DTD1: variants seen among roughly 807,000 people sequenced by gnomAD.
DTD1 encodes the protein D-tyrosyl-tRNA deacylase 1 homolog.
In DTD1, 13 loss-of-function variants were observed where a neutral mutation model predicts 25.6. The ratio of observed to expected loss-of-function variants is 0.51; its 90% confidence interval spans 0.33 to 0.81. The LOEUF (loss-of-function observed/expected upper bound fraction) is 0.81, where lower values mean the gene tolerates loss of function less well. DTD1 is among the 30% of genes least tolerant of loss of function. The pLI, the probability that DTD1 is intolerant of heterozygous loss-of-function variation, is 0.02. For missense variants in DTD1, 193 were observed against 266.4 expected, an observed-to-expected ratio of 0.72 and a Z score of 1.92; for synonymous variants, 110 against 103.6, an observed-to-expected ratio of 1.06 and a Z score of -0.37.
chr20:18,707,115 T>G (rs901436717), intron 4 of DTD1, among the ~76,000 whole-genome samples: 1 of 152,240 alleles, frequency 6.6e-6, no homozygotes, highest in East Asian at 1.9e-4. Context: ...GTTCATCACC[T>G]GTAAGCAGTT....
intron 4 of DTD1, chr20:18,675,694 A>G (rs2060967757): frequency 6.7e-6 from 1 of 149,748 alleles, no homozygotes; most frequent in African/African-American, 2.5e-5. Context: ...TCTTTTTTCT[A>G]TGTAGTCCTT....
chr20:18,621,194 G>A (rs866633373), intron 3 of DTD1, among the ~76,000 whole-genome samples: 31 of 152,024 alleles, frequency 2.0e-4, no homozygotes, highest in African/African-American at 7.3e-4. Context: ...TTTTCATGAC[G>A]TTGCCATTTT....
intron 4 of DTD1, among the ~76,000 whole-genome samples, chr20:18,662,564 G>A (rs181812211): frequency 6.6e-6 from 1 of 152,328 alleles, no homozygotes; most frequent in Non-Finnish European, 1.5e-5. Flanking sequence ...TTGGTAGAAG[G>A]ATGCTCAATA....
chr20:18,741,508 A>G (rs192294328), intron 4 of DTD1, among the ~76,000 whole-genome samples: 12 of 152,282 alleles, frequency 7.9e-5, no homozygotes, highest in Admixed American at 5.9e-4. Flanking sequence ...AAGCCTGTAT[A>G]TATTCATTCC....
rs769322465 is a variant in DTD1, at chr20:18,628,198, C to T, written c.442C>T (p.Pro148Ser). 1 of 1,613,864 alleles carries T rather than the reference C, an allele frequency of 6.2e-7. No individual in the cohort carries two copies. The highest frequency in any genetic ancestry group is 1.1e-5 in the South Asian group (1 of 91,044). The change falls in exon 4 of 6, where the codon CCA (proline) becomes TCA (serine). Residue 148 changes from proline to serine, a missense_variant. Transcript: ENST00000377452. ...DGPVTIELES[P>S]APGTATSDPK... ...GCCTGTGACCATAGAGCTGGAATCG[C>T]CAGCTCCCGGCACTGCTACCTCTGA...
chr20:18,615,087 T>C (rs1277923971), intron 3 of DTD1, among the ~76,000 whole-genome samples: 4 of 152,058 alleles, frequency 2.6e-5, no homozygotes, highest in Non-Finnish European at 5.9e-5. Context: ...GGAATAGATG[T>C]GCTGATCCCT....
intron 4 of DTD1, among the ~76,000 whole-genome samples, chr20:18,717,673 G>A (rs539714325): frequency 1.3e-5 from 2 of 152,254 alleles, no homozygotes; most frequent in South Asian, 2.1e-4. Context: ...TTATTCAAAG[G>A]TCAACTGTGG....
chr20:18,718,193 T>C (rs969223849), intron 4 of DTD1, among the ~76,000 whole-genome samples: 1 of 152,194 alleles, frequency 6.6e-6, no homozygotes, highest in African/African-American at 2.4e-5. Flanking sequence ...GTAATATTAC[T>C]TTATTAAAGA....
chr20:18,643,212 G>T, intron 4 of DTD1: 1 of 273,014 alleles, frequency 3.7e-6, no homozygotes, highest in Non-Finnish European at 7.5e-6. Context: ...ACTATGCCCA[G>T]CCTGGAGCAC....
intron 4 of DTD1, among the ~76,000 whole-genome samples, chr20:18,634,941 G>T (rs1426985651): frequency 6.6e-6 from 1 of 152,174 alleles, no homozygotes; most frequent in Non-Finnish European, 1.5e-5. Flanking sequence ...CAAATGAGAA[G>T]TACTCTGAAT....
intron 4 of DTD1, among the ~76,000 whole-genome samples, chr20:18,654,132 G>A (rs2060883752): frequency 6.6e-6 from 1 of 152,212 alleles, no homozygotes; most frequent in African/African-American, 2.4e-5. Context: ...TGTTTTGGCT[G>A]TGTCCCCACC....
At chr20:18,670,291 A>G (rs958215803) in intron 4 of DTD1, among the ~76,000 whole-genome samples, 2 of 152,150 alleles carry the variant, frequency 1.3e-5, no homozygotes, top group African/African-American at 4.8e-5. Flanking sequence ...CTCCATCTCT[A>G]CCAAAAATAC....
chr20:18,708,242 ATAATATATATTATATATATATT>A (rs1568676714), intron 4 of DTD1, among the ~76,000 whole-genome samples: 3 of 31,700 alleles, frequency 9.5e-5, no homozygotes, highest in African/African-American at 3.9e-4. Flanking sequence ...TTATATATAT[ATAATATATATTATATATATATT>A]TTATATATAT....
chr20:18,658,189 A>ATGTGTGTGTGTGTGTG (rs60197503), intron 4 of DTD1, among the ~76,000 whole-genome samples: 6 of 146,140 alleles, frequency 4.1e-5, no homozygotes, highest in South Asian at 4.5e-4. Context: ...AGAGTCTGAG[A>ATGTGTGTGTGTGTGTG]TGTGTGTGTG....
chr20:18,735,348 G>A (rs973132710), intron 4 of DTD1, among the ~76,000 whole-genome samples: 1 of 152,216 alleles, frequency 6.6e-6, no homozygotes, highest in Non-Finnish European at 1.5e-5. Flanking sequence ...TGGACCTGTG[G>A]CAGTTACGAG....
At chr20:18,642,291 AAGG>A (rs1335720395) in intron 4 of DTD1, among the ~76,000 whole-genome samples, 1 of 152,126 alleles carries the variant, frequency 6.6e-6, no homozygotes, top group African/African-American at 2.4e-5. Flanking sequence ...CAGTTATCCC[AAGG>A]AGGTCTTTTA....
At chr20:18,744,804 G>A (rs983512616) in intron 5 of DTD1, among the ~76,000 whole-genome samples, 5 of 151,944 alleles carry the variant, frequency 3.3e-5, no homozygotes, top group African/African-American at 4.8e-5. Context: ...TAATTTCCAC[G>A]TGTGTGTTCC....
intron 4 of DTD1, among the ~76,000 whole-genome samples, chr20:18,668,307 T>G (rs2060939569): frequency 6.6e-6 from 1 of 152,232 alleles, no homozygotes; most frequent in South Asian, 2.1e-4. Flanking sequence ...CAAGCTATTT[T>G]GAATTTTGAA....
At chr20:18,627,559 A>G (rs2060764645) in intron 3 of DTD1, among the ~76,000 whole-genome samples, 2 of 152,290 alleles carry the variant, frequency 1.3e-5, no homozygotes, top group South Asian at 4.1e-4. Context: ...CCTCTGTGCT[A>G]CTTAATCCTG....
Sources: allele counts gnomAD v4.1 joint callset (sites outside exome capture counted in the v4.1 genomes callset), GRCh38; gene constraint gnomAD v4.1.1; transcripts MANE v1.5; gene names NCBI Gene and HGNC (gene_info 2026-07-23, HGNC 2026-07-21).